SATB2: variants seen among roughly 807,000 people sequenced by gnomAD.
SATB2 encodes DNA-binding protein SATB2.
In SATB2, 1 loss-of-function variant was observed where a neutral mutation model predicts 73.4. The observed-to-expected ratio is 0.01, with a 90% CI of 0.00 to 0.06. SATB2 has a LOEUF of 0.06. SATB2 is among the 10% of genes least tolerant of loss of function. The probability of loss-of-function intolerance (pLI) is 1.00; values close to 1 mark genes in which losing one functional copy is unlikely to be tolerated. For synonymous variants in SATB2, 397 were observed against 367.0 expected (o/e 1.08, Z -0.93); for missense variants, 459 against 945.8 (o/e 0.49, Z 6.75).
At position 199,409,374 on chromosome 2, in the gene SATB2, C is replaced by T. The variant is rs898274850; in HGVS notation, c.346+23964G>A. On this transcript the variant is annotated intron_variant, in intron 3 of 10. Coordinates refer to ENST00000417098, the MANE Select transcript of SATB2 (RefSeq NM_001172509.2). ...TAGTAGAGACAGGGTTTCTCCATGT[C>T]GGTCAGGCTGGTCCCGAACTCCGGA... Among the ~76,000 whole-genome samples, 6 of 152,002 alleles carry T rather than the reference C, an allele frequency of 3.9e-5. No homozygotes were observed. In the South Asian group the frequency reaches 8.3e-4, roughly 21 times the overall value.
chr2:199,344,404 C>T (rs1362357691), intron 7 of SATB2, among the ~76,000 whole-genome samples: 1 of 152,180 alleles, frequency 6.6e-6, no homozygotes, highest in Non-Finnish European at 1.5e-5. Flanking sequence ...TATGGACACA[C>T]AAATATTGCC....
At chr2:199,440,992 G>A (rs566691763) in intron 2 of SATB2, among the ~76,000 whole-genome samples, 3 of 152,122 alleles carry the variant, frequency 2.0e-5, no homozygotes, top group African/African-American at 7.2e-5. Flanking sequence ...GGGATTATAG[G>A]CATGTGCCAC....
intron 9 of SATB2, among the ~76,000 whole-genome samples, chr2:199,321,430 AT>A (rs1687886164): frequency 6.6e-6 from 1 of 151,184 alleles, no homozygotes; most frequent in Admixed American, 6.6e-5. Flanking sequence ...GGATATATAT[AT>A]ATCTCAGTCT....
upstream of SATB2, among the ~76,000 whole-genome samples, chr2:199,462,435 G>A (rs540068446): frequency 7.2e-5 from 11 of 152,334 alleles, no homozygotes; most frequent in African/African-American, 2.6e-4. This position sits in a 1 kb window ranked among gnomAD's most constrained non-coding sequence, Gnocchi z 5.9. Flanking sequence ...AGAGCCAGGG[G>A]CCAGAATACC....
upstream of SATB2, among the ~76,000 whole-genome samples, chr2:199,467,065 T>C (rs933329994): frequency 2.0e-5 from 3 of 152,278 alleles, no homozygotes; most frequent in Non-Finnish European, 2.9e-5. Flanking sequence ...GCTATTGTTT[T>C]CTACATCAGC....
Position 199,272,163 on chromosome 2 carries a change from C to G in SATB2, c.*48G>C. 1 of 1,557,000 alleles carries G rather than the reference C, an allele frequency of 6.4e-7. No homozygotes were observed. The highest frequency in any genetic ancestry group is 2.2e-5 in the East Asian group (1 of 44,602). On this transcript the variant is annotated 3_prime_UTR_variant, in exon 11 of 11. Transcript: ENST00000417098. The surrounding 1 kb of genome is among the most constrained non-coding windows in gnomAD (Gnocchi z 6.7). ...CAAAAAACTTTTAAAGAAATGAAAG[C>G]AGAAAATCCTTGGACCGATGTATTG...
At chr2:199,448,608 A>C (rs1692033109) in intron 2 of SATB2, among the ~76,000 whole-genome samples, 1 of 152,152 alleles carries the variant, frequency 6.6e-6, no homozygotes, top group Non-Finnish European at 1.5e-5. Context: ...ATTTGCTCTA[A>C]CTAGAGTCTC....
intron 10 of SATB2, among the ~76,000 whole-genome samples, chr2:199,306,979 T>C (rs575915612): frequency 6.6e-6 from 1 of 152,316 alleles, no homozygotes; most frequent in South Asian, 2.1e-4. Context: ...TCTACTTCAT[T>C]TGTACTGAAC....
chr2:199,385,927 T>A (rs1689916925), intron 3 of SATB2, among the ~76,000 whole-genome samples: 1 of 152,136 alleles, frequency 6.6e-6, no homozygotes, highest in African/African-American at 2.4e-5. Flanking sequence ...AAAATGGGGA[T>A]ACGAACAATG....
At chr2:199,470,920 C>T (rs1458221247) in intron 1 of SATB2, 1 of 152,432 alleles carries the variant, frequency 6.6e-6, no homozygotes, top group South Asian at 2.1e-4. Flanking sequence ...GTCTTTCACC[C>T]CAAAGGACTT....
intron 2 of SATB2, among the ~76,000 whole-genome samples, chr2:199,453,295 T>C (rs1276351408): frequency 6.6e-6 from 1 of 152,064 alleles, no homozygotes; most frequent in Admixed American, 6.5e-5. Context: ...ACACTAAAGA[T>C]TAACAAATAT....
chr2:199,383,695 G>A (rs920721838), intron 3 of SATB2, among the ~76,000 whole-genome samples: 8 of 152,132 alleles, frequency 5.3e-5, no homozygotes, highest in African/African-American at 1.9e-4. Context: ...TAAAAAAAAG[G>A]ACCCTACAAG....
At position 199,457,493 on chromosome 2, in the gene SATB2, G is replaced by A. The variant is rs1461335712; in HGVS notation, c.-214C>T. ...CCTTCCCTCTTCCCCAGGTCCTAAT[G>A]TTTAAGGTCCTGGGTCAGGGTGTCT... On this transcript the variant is annotated 5_prime_UTR_variant, in exon 1 of 11. Transcript: ENST00000417098. This position sits in a 1 kb window ranked among gnomAD's most constrained non-coding sequence, Gnocchi z 4.8. 1 of 150,656 alleles carries A rather than the reference G, an allele frequency of 6.6e-6. No individual in the cohort carries two copies. Among genetic ancestry groups the A allele is most frequent in the Non-Finnish European group, 1.5e-5 (1 of 67,848 alleles). 9.3% of individuals were successfully genotyped at this position (150,656 alleles called of 1,614,324 possible). A position where few individuals can be genotyped will look rare whatever the true frequency, so the allele number is the denominator to read the frequency against.
At chr2:199,338,182 G>A (rs1209606166) in intron 7 of SATB2, among the ~76,000 whole-genome samples, 1 of 151,984 alleles carries the variant, frequency 6.6e-6, no homozygotes, top group Non-Finnish European at 1.5e-5. Context: ...TGGCCAACAT[G>A]AGGAAACCCT....
chr2:199,378,829 A>G (rs770903972), intron 5 of SATB2, among the ~76,000 whole-genome samples: 1 of 152,184 alleles, frequency 6.6e-6, no homozygotes, highest in Non-Finnish European at 1.5e-5. Context: ...ATTACTACTC[A>G]GTTTTACTAA....
chr2:199,289,562 C>G (rs1256515367), intron 10 of SATB2, among the ~76,000 whole-genome samples: 2 of 152,154 alleles, frequency 1.3e-5, no homozygotes, highest in African/African-American at 2.4e-5. Flanking sequence ...ATTTGCTTAC[C>G]CTGTGTAGGT....
chr2:199,397,783 G>T, intron 3 of SATB2: 1 of 424,222 alleles, frequency 2.4e-6, no homozygotes, highest in Non-Finnish European at 4.7e-6. Context: ...CAGCTACTCC[G>T]GAGGCTGAGG....
At position 199,464,360 on chromosome 2, in the gene SATB2, G is replaced by T. The variant is rs1692548687; in HGVS notation, c.-141+476C>A. Among the ~76,000 whole-genome samples the T allele has an allele frequency of 6.6e-6, 1 of 152,146 alleles. No homozygotes were observed. Among genetic ancestry groups the T allele is most frequent in the Non-Finnish European group, 1.5e-5 (1 of 68,026 alleles). On this transcript the variant is annotated intron_variant, in intron 1 of 11. Coordinates refer to the SATB2 transcript ENST00000260926. This position sits in a 1 kb window ranked among gnomAD's most constrained non-coding sequence, Gnocchi z 6.6. ...TGTCGGGCTTAGAGGACTTCACTGG[G>T]CGGGTTGGGGTTTATTTTCAATAAA... is the stretch of plus-strand genomic sequence containing the variant.
At chr2:199,363,323 C>A (rs184328714) in intron 6 of SATB2, among the ~76,000 whole-genome samples, 1 of 152,292 alleles carries the variant, frequency 6.6e-6, no homozygotes, top group Non-Finnish European at 1.5e-5. Context: ...GTTTCTATTT[C>A]TATGAATCCG....
Sources: allele counts gnomAD v4.1 joint callset (sites outside exome capture counted in the v4.1 genomes callset), GRCh38; gene constraint gnomAD v4.1.1; non-coding constraint Gnocchi (gnomAD v3.1); transcripts MANE v1.5; gene names NCBI Gene and HGNC (gene_info 2026-07-23, HGNC 2026-07-21).